The following KDM6A variants were observed in gnomAD, a reference collection of about 807,000 sequenced individuals.
The protein encoded by KDM6A is lysine-specific demethylase 6A.
Under a neutral mutation model 117.6 loss-of-function variants are expected in KDM6A, and 11 were observed. That is an observed-to-expected ratio of 0.09 (90% CI 0.06 to 0.15). The LOEUF (loss-of-function observed/expected upper bound fraction) is 0.15, where lower values mean the gene tolerates loss of function less well. Ranked by LOEUF, KDM6A falls within the 10% of genes least tolerant of loss-of-function variation. The pLI, the probability that KDM6A is intolerant of heterozygous loss-of-function variation, is 1.00. For synonymous variants in KDM6A, 384 were observed against 396.1 expected, an observed-to-expected ratio of 0.97 and a Z score of 0.36; for missense variants, 799 against 1,077.3, an observed-to-expected ratio of 0.74 and a Z score of 3.62.
rs764449561 is a variant in KDM6A, at chrX:45,070,113, T to G, written c.2614T>G (p.Ser872Ala). Residue 872 changes from serine to alanine, a missense_variant, in exon 18 of 30, where the codon TCT becomes GCT. Ser to Ala is a moderately conservative substitution (Grantham distance 99). Around this residue, in one of 8 missense-constraint regions of KDM6A, gnomAD observed 291 missense variants for 437.9 expected, o/e 0.66. Coordinates refer to ENST00000611820, the MANE Select transcript of KDM6A (RefSeq NM_001291415.2). ...TGATAACTCTGTTGCCTCTTCACCA[T>G]CTTCAGCCATTTCAACAGCAACACC... Reference protein sequence around the residue: ...KTDNSVASSPSSAISTATPSP... With the variant: ...KTDNSVASSPASAISTATPSP... 2.2e-5 allele frequency: 27 copies of G among 1,211,546 alleles called. No homozygotes were observed. Among genetic ancestry groups the G allele is most frequent in the Middle Eastern group, 2.3e-4 (1 of 4,355 alleles).
At chrX:44,994,717 G>T (rs2040783088) in intron 4 of KDM6A, among the ~76,000 whole-genome samples, 1 of 111,705 alleles carries the variant, frequency 9.0e-6, no homozygotes, top group African/African-American at 3.3e-5. Context: ...CGCACACTTG[G>T]GCAAGGGAGG....
At chrX:44,985,355 CAG>C (rs988258451) in intron 4 of KDM6A, among the ~76,000 whole-genome samples, 2 of 111,641 alleles carry the variant, frequency 1.8e-5, no homozygotes, top group African/African-American at 6.5e-5. Context: ...CATCTGCAAA[CAG>C]GGACAATTTT....
intron 2 of KDM6A, among the ~76,000 whole-genome samples, chrX:44,911,266 C>T (rs1184094020): frequency 8.1e-5 from 9 of 111,210 alleles, no homozygotes; most frequent in Non-Finnish European, 9.5e-5. Flanking sequence ...CCTCACTTCT[C>T]AGATGGGGTG....
At chrX:45,060,901 T>TC in intron 14 of KDM6A, 137 bp downstream of exon 14, 1 of 341,134 alleles carries the variant, frequency 2.9e-6, no homozygotes. Flanking sequence ...AGTTTTTCCA[T>TC]CCCAAACCCT....
At chrX:44,877,704 C>T (rs2031821626) in intron 2 of KDM6A, among the ~76,000 whole-genome samples, 1 of 110,328 alleles carries the variant, frequency 9.1e-6, no homozygotes, top group Non-Finnish European at 1.9e-5. Context: ...TGCTAAAATA[C>T]ACAGTTTTGA....
chrX:45,074,427 G>A (rs912273411), intron 18 of KDM6A, among the ~76,000 whole-genome samples: 2 of 111,983 alleles, frequency 1.8e-5, no homozygotes, highest in Non-Finnish European at 3.8e-5. Flanking sequence ...ATTAGGATTG[G>A]TCAATATATT....
At chrX:45,047,473 C>CT (rs748480986) in intron 8 of KDM6A, among the ~76,000 whole-genome samples, 1,266 of 93,088 alleles carry the variant, frequency 0.014, 8 homozygotes, top group Non-Finnish European at 0.021. Flanking sequence ...GCATTGATTT[C>CT]TTTTTTTTTT....
intron 9 of KDM6A, among the ~76,000 whole-genome samples, chrX:45,052,757 C>T (rs772705649): frequency 5.4e-5 from 6 of 111,691 alleles, no homozygotes; most frequent in Non-Finnish European, 7.5e-5. Context: ...AATACAGTGT[C>T]GTGATCATAA....
At chrX:44,897,155 T>TA (rs1240939318) in intron 2 of KDM6A, among the ~76,000 whole-genome samples, 1 of 106,044 alleles carries the variant, frequency 9.4e-6, no homozygotes, top group African/African-American at 3.5e-5. Context: ...TTTTTTTTTT[T>TA]AGTCTGTTTT....
chrX:45,040,748 T>A (rs1239946114), intron 8 of KDM6A, among the ~76,000 whole-genome samples: 1 of 34,084 alleles, frequency 2.9e-5, no homozygotes, highest in African/African-American at 1.3e-4. Context: ...CCCTCCTGGA[T>A]GGGGCGGCTG....
intron 2 of KDM6A, among the ~76,000 whole-genome samples, chrX:44,936,932 T>G (rs952585397): frequency 2.7e-5 from 3 of 111,177 alleles, no homozygotes; most frequent in African/African-American, 9.8e-5. Flanking sequence ...CATACAACCT[T>G]TATCAGGCTT....
intron 4 of KDM6A, among the ~76,000 whole-genome samples, chrX:44,992,219 T>TC (rs2040634906): frequency 1.8e-5 from 1 of 54,264 alleles, no homozygotes; most frequent in Admixed American, 2.0e-4. Context: ...TTTTTTTTTT[T>TC]TTTTTTTTTT....
At chrX:44,974,738 A>G in intron 4 of KDM6A, 23 bp downstream of exon 4, 1 of 1,129,711 alleles carries the variant, frequency 8.9e-7, no homozygotes, top group East Asian at 3.0e-5. Flanking sequence ...TTGCATGCTG[A>G]TTTCATGTTT....
chrX:44,957,488 G>GGTAA (rs2038406641), intron 2 of KDM6A, among the ~76,000 whole-genome samples: 1 of 111,953 alleles, frequency 8.9e-6, no homozygotes, highest in Non-Finnish European at 1.9e-5. Context: ...ACGGGGTAAT[G>GGTAA]GTAACGTTAC....
rs1243660704 is a variant in KDM6A at position 45,034,197 on chromosome X, A to G, written c.565-734A>G. Among the ~76,000 whole-genome samples the G allele has an allele frequency of 2.7e-5, 3 of 111,641 alleles. No homozygotes were observed. In the Admixed American group the frequency reaches 2.9e-4, roughly 11 times the overall value. ...ATACCTTGTTTAATGTTGATAAACT[A>G]GATATTAAATGTCACCCAGTGTTCT... On this transcript the variant is annotated intron_variant, in intron 6 of 29. Transcript: ENST00000611820.
rs2044757900 is a variant in KDM6A, at chrX:45,070,265, G to T, written c.2766G>T (p.Leu922=). ...EESQSPMKTD[L]LLVNHKPSPQ... ...CTCAGAGCCCCATGAAAACAGATCT[G>T]CTTCTGGTTAACCACAAACCTAGTC... Residue 922 remains leucine (L), a synonymous_variant, in exon 18 of 30, where the codon CTG becomes CTT. Coordinates refer to ENST00000611820, the MANE Select transcript of KDM6A (RefSeq NM_001291415.2). 1 of 1,209,862 alleles carries T rather than the reference G, an allele frequency of 8.3e-7. No individual in the cohort carries two copies. The highest frequency in any genetic ancestry group is 1.8e-5 in the South Asian group (1 of 56,912).
At chrX:44,964,639 A>G (rs1419776529) in intron 3 of KDM6A, among the ~76,000 whole-genome samples, 1 of 111,331 alleles carries the variant, frequency 9.0e-6, no homozygotes, top group Non-Finnish European at 1.9e-5. Flanking sequence ...TTTCTGAACA[A>G]TAGTTCTCAA....
chrX:44,953,305 G>T (rs960069761), intron 2 of KDM6A, among the ~76,000 whole-genome samples: 6 of 111,165 alleles, frequency 5.4e-5, no homozygotes, highest in Non-Finnish European at 1.9e-5. Flanking sequence ...CAGAGGAGGG[G>T]ATGAAGTGGA....
chrX:44,938,599 A>AG (rs780399287), intron 2 of KDM6A, among the ~76,000 whole-genome samples: 171 of 112,554 alleles, frequency 1.5e-3, no homozygotes, highest in Non-Finnish European at 2.6e-3. Flanking sequence ...GTTATCCAGA[A>AG]GATCTACCTA....
Sources: gnomAD v4.1 joint callset for allele counts (sites outside exome capture counted in the v4.1 genomes callset) on GRCh38, gnomAD v4.1.1 for gene constraint, gnomAD v4.1.1 regional missense constraint, MANE v1.5 for transcripts, NCBI Gene and HGNC (gene_info 2026-07-23, HGNC 2026-07-21) for gene names.